FTCD: variants seen among roughly 807,000 people sequenced by gnomAD.
FTCD encodes the protein formimidoyltransferase-cyclodeaminase.
Under a neutral mutation model 62.9 loss-of-function variants are expected in FTCD, and 76 were observed. The observed-to-expected ratio is 1.21, with a 90% CI of 1.00 to 1.46. The LOEUF (loss-of-function observed/expected upper bound fraction) is 1.46. FTCD is among the 40% of genes most tolerant of loss of function. FTCD has a pLI of 0.00. For synonymous variants in FTCD, 397 were observed against 336.9 expected (o/e 1.18, Z -1.95); for missense variants, 845 against 751.3 (o/e 1.12, Z -1.46).
At chr21:46,139,680 A>G (rs1451697659) in intron 10 of FTCD, among the ~76,000 whole-genome samples, 2 of 152,228 alleles carry the variant, frequency 1.3e-5, no homozygotes, top group Non-Finnish European at 2.9e-5. Context: ...CCAGATCTGG[A>G]TCCTTTGACC....
At position 46,150,116 on chromosome 21, in the gene FTCD, C is replaced by T. The variant is rs2123554620; in HGVS notation, c.906+3G>A. Reference sequence around the variant, plus strand: ...CCGACCCTTCCTCGGCAGCCCGGCCCACCAGCCTGATCCGCTGCTCCTCCT... The same window carrying T: ...CCGACCCTTCCTCGGCAGCCCGGCCTACCAGCCTGATCCGCTGCTCCTCCT... On this transcript the variant is annotated splice_donor_region_variant and intron_variant, in intron 7 of 13. Transcript: ENST00000397746. 6.2e-7 allele frequency: 1 copy of T among 1,610,792 alleles called. No homozygotes were observed. The highest frequency in any genetic ancestry group is 8.5e-7 in the Non-Finnish European group (1 of 1,179,352).
intron 10 of FTCD, among the ~76,000 whole-genome samples, chr21:46,143,934 T>C (rs965360429): frequency 6.6e-6 from 1 of 152,152 alleles, no homozygotes; most frequent in Non-Finnish European, 1.5e-5. Flanking sequence ...TGCTCCTGTT[T>C]CACTTTTATG....
intron 10 of FTCD, chr21:46,142,735 T>C (rs1334856962): frequency 1.3e-5 from 2 of 152,252 alleles, no homozygotes; most frequent in African/African-American, 2.4e-5. Context: ...GGCCAGCTTT[T>C]ATGCCCTTAT....
intron 10 of FTCD, 33 bp from the exon 11 acceptor site, chr21:46,138,956 G>A: frequency 1.9e-6 from 3 of 1,570,774 alleles, no homozygotes; most frequent in Non-Finnish European, 2.6e-6. Context: ...CTGGGCGAGG[G>A]ACCGTAGGGG....
intron 10 of FTCD, 97 bp downstream of exon 10, chr21:46,145,320 C>A: frequency 9.6e-7 from 1 of 1,040,312 alleles, no homozygotes; most frequent in South Asian, 1.5e-5. Flanking sequence ...GTCCCCAGCC[C>A]CTCCCCAGCC....
chr21:46,142,342 G>A (rs1381080689), intron 10 of FTCD: 1 of 136,498 alleles, frequency 7.3e-6, no homozygotes, highest in African/African-American at 2.9e-5. Flanking sequence ...CCTTCACAGT[G>A]AGCCATAAGC....
Position 46,138,778 on chromosome 21 carries a change from CCAGGCCAACCACGCCCCGTCA to C in FTCD, c.1304+81_1304+101del, listed in dbSNP as rs1273024750. The stretch of plus-strand genomic sequence containing the variant: ...AGTCATTCCCAAACACCCAGCACGC[CCAGGCCAACCACGCCCCGTCA>C]CAGCACCCAGGTACTCGGGATCCTG... On this transcript the variant is annotated intron_variant, in intron 11 of 13. Transcript: ENST00000397746. 2.1e-6 allele frequency: 3 copies of C among 1,427,052 alleles called. No homozygotes were observed. In the African/African-American group the frequency reaches 4.2e-5, roughly 20 times the overall value. 88.4% of individuals were successfully genotyped at this position (1,427,052 alleles called of 1,614,324 possible).
intron 7 of FTCD, chr21:46,146,646 CG>C (rs939932380): frequency 8.0e-6 from 4 of 501,720 alleles, no homozygotes; most frequent in Non-Finnish European, 1.4e-5. Flanking sequence ...CATGCTTCGC[CG>C]CCCCCCAGCA....
intron 1 of FTCD, 62 bp from the exon 2 acceptor site, chr21:46,154,394 T>TG: frequency 6.5e-7 from 1 of 1,539,828 alleles, no homozygotes; most frequent in South Asian, 1.2e-5. Context: ...AAAAGGAGCT[T>TG]GGAGGTGGCT....
chr21:46,137,814 G>A (rs779074206), intron 12 of FTCD, among the ~76,000 whole-genome samples: 3 of 149,218 alleles, frequency 2.0e-5, no homozygotes, highest in Admixed American at 6.8e-5. Context: ...TGAGAGAGAC[G>A]CTCCTTCTCT....
chr21:46,151,423 C>A, intron 5 of FTCD, 135 bp downstream of exon 5: 1 of 795,970 alleles, frequency 1.3e-6, no homozygotes, highest in Non-Finnish European at 2.1e-6. Flanking sequence ...GAGGCTGGGC[C>A]GGTCTGCAGG....
intron 10 of FTCD, among the ~76,000 whole-genome samples, chr21:46,141,886 T>C (rs4819205): frequency 0.13 from 19,585 of 152,066 alleles, 2,270 homozygotes; most frequent in African/African-American, 0.31. Context: ...GAAAGCAGGG[T>C]TCTGCAAGCA....
At chr21:46,138,331 G>A (rs1237808926) in intron 12 of FTCD, among the ~76,000 whole-genome samples, 177 bp downstream of exon 12, 1 of 152,206 alleles carries the variant, frequency 6.6e-6, no homozygotes, top group Non-Finnish European at 1.5e-5. Flanking sequence ...CGAGATCTTA[G>A]AAGGCAGCGG....
At chr21:46,138,254 A>G (rs865797409) in intron 12 of FTCD, among the ~76,000 whole-genome samples, 3 of 152,238 alleles carry the variant, frequency 2.0e-5, no homozygotes, top group South Asian at 4.2e-4. Flanking sequence ...GGGAGTATAC[A>G]CTTATACAGT....
At chr21:46,151,793 C>A in intron 4 of FTCD, 56 bp from the exon 5 acceptor site, 1 of 1,599,582 alleles carries the variant, frequency 6.3e-7, no homozygotes, top group Non-Finnish European at 8.5e-7. Context: ...AACAGCCCCC[C>A]GGGGTCCCGG....
chr21:46,139,046 C>T, intron 10 of FTCD, 123 bp from the exon 11 acceptor site: 3 of 787,228 alleles, frequency 3.8e-6, no homozygotes, highest in Non-Finnish European at 4.5e-6. Flanking sequence ...CTCTGGGAAC[C>T]AAGCTTCTGT....
chr21:46,146,192 A>G (rs2079143236), intron 8 of FTCD, 74 bp downstream of exon 8: 1 of 1,072,476 alleles, frequency 9.3e-7, no homozygotes, highest in Non-Finnish European at 1.4e-6. Context: ...CCACGCAGGG[A>G]CCCCAGCGCC....
At chr21:46,139,144 C>G (rs2078939414) in intron 10 of FTCD, 1 of 599,972 alleles carries the variant, frequency 1.7e-6, no homozygotes, top group Non-Finnish European at 3.0e-6. Flanking sequence ...GGTCAGAGAC[C>G]CGGGGATGTG....
downstream of FTCD, chr21:46,136,533 C>G: frequency 6.2e-7 from 1 of 1,608,738 alleles, no homozygotes; most frequent in South Asian, 1.1e-5. Flanking sequence ...TTCCCTCAGA[C>G]AAGGGGCCTC....
Sources: allele counts gnomAD v4.1 joint callset (sites outside exome capture counted in the v4.1 genomes callset), GRCh38; gene constraint gnomAD v4.1.1; transcripts MANE v1.5; gene names NCBI Gene and HGNC (gene_info 2026-07-23, HGNC 2026-07-21).